Variants in SEZ6L observed in about 807,000 individuals in gnomAD.
SEZ6L encodes the protein seizure 6-like protein.
A neutral mutation model predicts 106.2 loss-of-function variants in SEZ6L; 37 were observed. That is an observed-to-expected ratio of 0.35 (90% CI 0.27 to 0.46). The LOEUF (loss-of-function observed/expected upper bound fraction) is 0.46. Ranked by LOEUF, SEZ6L falls within the 20% of genes least tolerant of loss-of-function variation. The pLI, the probability that SEZ6L is intolerant of heterozygous loss-of-function variation, is 1.00. For missense variants in SEZ6L, 1,172 were observed against 1,332.8 expected, an observed-to-expected ratio of 0.88 and a Z score of 1.88; for synonymous variants, 541 against 570.4, an observed-to-expected ratio of 0.95 and a Z score of 0.73.
intron 1 of SEZ6L, among the ~76,000 whole-genome samples, chr22:26,283,870 T>G (rs911106845): frequency 6.6e-6 from 1 of 152,188 alleles, no homozygotes; most frequent in Non-Finnish European, 1.5e-5. Flanking sequence ...TTCTTTAAGA[T>G]GAAGGTGCAC....
rs150022206 is a variant in SEZ6L, at chr22:26,310,804, G to T, written c.1649G>T (p.Arg550Leu). The change falls in exon 7 of 17, where the codon CGG (arginine) becomes CTG (leucine). Residue 550 changes from arginine (R) to leucine (L), a missense_variant. Around this residue, in one of 4 missense-constraint regions of SEZ6L, gnomAD observed 534 missense variants for 691.0 expected, o/e 0.77. Transcript: ENST00000248933. ...IRIEFTSDQA[R>L]AASTFNIRFE... The stretch of plus-strand genomic sequence containing the variant: ...ATCGAGTTCACGTCCGACCAGGCCC[G>T]GGCGGCCTCCACCTTCAACATCCGA... 121 of 1,613,944 alleles carry T rather than the reference G, an allele frequency of 7.5e-5. No homozygotes were observed. Among genetic ancestry groups the T allele is most frequent in the Admixed American group, 1.3e-4 (8 of 59,992 alleles).
In SEZ6L at chr22:26,204,135, A is replaced by G. The variant is rs117031531; in HGVS notation, c.94+34372A>G. 3.8e-3 allele frequency among the ~76,000 whole-genome samples: 583 copies of G among 152,292 alleles called. 4 individuals carry two copies. The highest frequency in any genetic ancestry group is 6.2e-3 in the Non-Finnish European group (425 of 68,018). ...ATCTTATTGCTTTCTCATGTGTACTATGAAAATTTGATTAGATACTGCCAT... is the reference window on the plus strand; with the variant it reads ...ATCTTATTGCTTTCTCATGTGTACTGTGAAAATTTGATTAGATACTGCCAT... On this transcript the variant is annotated intron_variant, in intron 1 of 16. Coordinates refer to ENST00000248933, the MANE Select transcript of SEZ6L (RefSeq NM_021115.5).
chr22:26,295,810 G>A (rs371517804), intron 3 of SEZ6L, among the ~76,000 whole-genome samples: 4 of 152,182 alleles, frequency 2.6e-5, no homozygotes, highest in African/African-American at 4.8e-5. Context: ...AGAGAAATAC[G>A]TAGGATGCCA....
intron 9 of SEZ6L, among the ~76,000 whole-genome samples, chr22:26,320,118 G>T (rs531133953): frequency 6.6e-6 from 1 of 152,302 alleles, no homozygotes; most frequent in South Asian, 2.1e-4. Context: ...CTCCCCAAGA[G>T]AATATTTTAT....
At chr22:26,327,613 C>T (rs2082359000) in intron 9 of SEZ6L, among the ~76,000 whole-genome samples, 1 of 149,224 alleles carries the variant, frequency 6.7e-6, no homozygotes, top group Non-Finnish European at 1.5e-5. Flanking sequence ...CCACACACAC[C>T]ACATGACACT....
chr22:26,376,464 AGGCGTGGT>A (rs76624653), intron 15 of SEZ6L, among the ~76,000 whole-genome samples: 2 of 152,184 alleles, frequency 1.3e-5, no homozygotes, highest in Non-Finnish European at 2.9e-5. Context: ...TATGCAGTCC[AGGCGTGGT>A]GGCTCACACC....
At chr22:26,353,797 A>G (rs546744696) in intron 12 of SEZ6L, among the ~76,000 whole-genome samples, 1 of 152,014 alleles carries the variant, frequency 6.6e-6, no homozygotes, top group African/African-American at 2.4e-5. Flanking sequence ...ATCCTAACCC[A>G]TGGTATCTGT....
At position 26,233,716 on chromosome 22, in the gene SEZ6L, A is replaced by G. The variant is rs192657875; in HGVS notation, c.95-58690A>G. Among the ~76,000 whole-genome samples, 5 of 152,326 alleles carry G rather than the reference A, an allele frequency of 3.3e-5. No homozygotes were observed. The East Asian group carries it at 9.7e-4, about 29-fold the overall frequency. ...GTCTGAACATGGAACACAGATGACA[A>G]ACAAGTAAACCCACAAATAAGCAAG... On this transcript the variant is annotated intron_variant, in intron 1 of 16. Coordinates refer to ENST00000248933, the MANE Select transcript of SEZ6L (RefSeq NM_021115.5).
chr22:26,355,817 CA>C (rs2083420397), intron 12 of SEZ6L, among the ~76,000 whole-genome samples: 1 of 152,180 alleles, frequency 6.6e-6, no homozygotes, highest in Non-Finnish European at 1.5e-5. Context: ...TGCCCAAAGC[CA>C]TAGTTTGGTC....
chr22:26,284,643 G>A (rs555071160), intron 1 of SEZ6L, among the ~76,000 whole-genome samples: 5 of 143,028 alleles, frequency 3.5e-5, no homozygotes, highest in South Asian at 2.2e-4. Flanking sequence ...CCCTAATGAC[G>A]GTTTAAACAA....
intron 1 of SEZ6L, among the ~76,000 whole-genome samples, chr22:26,260,965 T>C (rs973770118): frequency 5.3e-5 from 8 of 152,208 alleles, no homozygotes; most frequent in African/African-American, 1.9e-4. Flanking sequence ...GATTTGATTT[T>C]CATTTCCCTG....
intron 9 of SEZ6L, among the ~76,000 whole-genome samples, chr22:26,316,703 G>C (rs1291567862): frequency 6.6e-6 from 1 of 151,840 alleles, no homozygotes; most frequent in African/African-American, 2.4e-5. Flanking sequence ...GTGGTGGTGG[G>C]TGCCTGTAAT....
intron 1 of SEZ6L, among the ~76,000 whole-genome samples, chr22:26,276,262 C>T (rs1243932650): frequency 6.6e-6 from 1 of 152,200 alleles, no homozygotes; most frequent in Non-Finnish European, 1.5e-5. Context: ...AGTCAAAGAT[C>T]ACTGTCCAAA....
At chr22:26,272,052 T>C (rs2080386207) in intron 1 of SEZ6L, among the ~76,000 whole-genome samples, 1 of 152,216 alleles carries the variant, frequency 6.6e-6, no homozygotes, top group African/African-American at 2.4e-5. Context: ...GCAAATATAA[T>C]GTTGACTGAA....
chr22:26,256,667 G>A (rs1569424817), intron 1 of SEZ6L, among the ~76,000 whole-genome samples: 2 of 152,228 alleles, frequency 1.3e-5, no homozygotes, highest in African/African-American at 4.8e-5. Flanking sequence ...TAAGGCACTG[G>A]TTTCATAGCC....
At chr22:26,370,224 T>C (rs1324731630) in intron 13 of SEZ6L, among the ~76,000 whole-genome samples, 1 of 151,732 alleles carries the variant, frequency 6.6e-6, no homozygotes, top group African/African-American at 2.4e-5. Flanking sequence ...CTACTAAAAA[T>C]ACAAAAAAAA....
chr22:26,258,146 C>A (rs1357078091), intron 1 of SEZ6L, among the ~76,000 whole-genome samples: 1 of 152,128 alleles, frequency 6.6e-6, no homozygotes, highest in Non-Finnish European at 1.5e-5. Context: ...GAGGAGAGAC[C>A]AGAGGAGAAG....
chr22:26,299,393 A>G (rs1216570090), intron 5 of SEZ6L, among the ~76,000 whole-genome samples: 1 of 152,252 alleles, frequency 6.6e-6, no homozygotes, highest in Non-Finnish European at 1.5e-5. Flanking sequence ...CTATTGTGCA[A>G]CCATCACCAC....
Position 26,340,520 on chromosome 22 carries a change from C to G in SEZ6L, c.2100C>G (p.Asn700Lys), listed in dbSNP as rs200138174. Residue 700 changes from asparagine to lysine, a missense_variant, in exon 10 of 17, where the codon AAC (asparagine) becomes AAG (lysine). Asn to Lys is a moderately conservative substitution (Grantham distance 94, BLOSUM62 0). This residue lies in a region of SEZ6L where 534 missense variants were observed against 691.0 expected (regional missense o/e 0.77). Coordinates refer to ENST00000248933, the MANE Select transcript of SEZ6L (RefSeq NM_021115.5). ...ACATCTTGGGGCAGTACCTTGGGAA[C>G]AGTGGCCCCCAGAAACTGTACTCCT... ...MPHILGQYLG[N>K]SGPQKLYSST... The G allele has an allele frequency of 3.8e-5, 61 of 1,614,048 alleles. No homozygotes were observed. The Admixed American group carries it at 7.8e-4, about 21-fold the overall frequency.
Sources: allele counts gnomAD v4.1 joint callset (sites outside exome capture counted in the v4.1 genomes callset), GRCh38; gene constraint gnomAD v4.1.1; regional missense constraint gnomAD v4.1.1; transcripts MANE v1.5; gene names NCBI Gene and HGNC (gene_info 2026-07-23, HGNC 2026-07-21).